Variants in DSCAM observed in about 807,000 individuals in gnomAD.
The protein encoded by DSCAM is cell adhesion molecule DSCAM.
A neutral mutation model predicts 217.7 loss-of-function variants in DSCAM; 47 were observed. The observed-to-expected ratio is 0.22, with a 90% CI of 0.17 to 0.28. The LOEUF is 0.28. Ranked by LOEUF, DSCAM falls within the 10% of genes least tolerant of loss-of-function variation. The pLI is 1.00. For synonymous variants in DSCAM, 1,056 were observed against 1,015.3 expected, an observed-to-expected ratio of 1.04 and a Z score of -0.76; for missense variants, 2,080 against 2,618.3, an observed-to-expected ratio of 0.79 and a Z score of 4.49.
chr21:40,814,964 C>A lies in DSCAM; in HGVS notation c.43+31655G>T, dbSNP rs2091868457. Among the ~76,000 whole-genome samples, 3 of 152,160 alleles carry A rather than the reference C, an allele frequency of 2.0e-5. No individual in the cohort carries two copies. In the South Asian group the frequency reaches 6.2e-4, roughly 32 times the overall value. On this transcript the variant is annotated intron_variant, in intron 1 of 32. Transcript: ENST00000400454. ...AAAATGTGATAGCAATTTACAAGTT[C>A]AAAATAAAAACAAGTGAAGAAAAGC...
At chr21:40,191,966 A>G (rs1349071121) in intron 11 of DSCAM, among the ~76,000 whole-genome samples, 1 of 152,198 alleles carries the variant, frequency 6.6e-6, no homozygotes, top group African/African-American at 2.4e-5. Flanking sequence ...ATATTTGCAA[A>G]GACTCTATTT....
chr21:40,680,679 A>G (rs1369177781), intron 3 of DSCAM, among the ~76,000 whole-genome samples: 1 of 152,228 alleles, frequency 6.6e-6, no homozygotes, highest in African/African-American at 2.4e-5. Flanking sequence ...TGGACAGCCA[A>G]TATTTTCAGC....
At chr21:40,813,624 G>T (rs1265949532) in intron 1 of DSCAM, among the ~76,000 whole-genome samples, 1 of 150,768 alleles carries the variant, frequency 6.6e-6, no homozygotes, top group Non-Finnish European at 1.5e-5. Context: ...ATAGTTTTGA[G>T]GATTTCTTTC....
At chr21:40,138,778 T>TG (rs983454063) in intron 18 of DSCAM, among the ~76,000 whole-genome samples, 4 of 137,338 alleles carry the variant, frequency 2.9e-5, no homozygotes, top group Non-Finnish European at 4.6e-5. Flanking sequence ...GTGCAGTGTA[T>TG]GGGGGGTATG....
intron 10 of DSCAM, among the ~76,000 whole-genome samples, chr21:40,278,348 T>A (rs2073716232): frequency 6.6e-6 from 1 of 152,180 alleles, no homozygotes; most frequent in Non-Finnish European, 1.5e-5. Flanking sequence ...TAGCAGGTCA[T>A]ACAGTCTTTG....
intron 32 of DSCAM, among the ~76,000 whole-genome samples, chr21:40,033,129 C>T (rs1296105198): frequency 1.3e-5 from 2 of 152,184 alleles, no homozygotes; most frequent in African/African-American, 4.8e-5. Flanking sequence ...CTCTTTTAGG[C>T]TTCAAGGTGC....
At chr21:40,665,248 T>C (rs1399751273) in intron 3 of DSCAM, among the ~76,000 whole-genome samples, 1 of 152,190 alleles carries the variant, frequency 6.6e-6, no homozygotes, top group Non-Finnish European at 1.5e-5. Flanking sequence ...AAAAGCAGCC[T>C]TCTGGGTGCA....
intron 3 of DSCAM, among the ~76,000 whole-genome samples, chr21:40,654,820 A>G (rs1440827806): frequency 1.3e-5 from 2 of 152,092 alleles, no homozygotes; most frequent in African/African-American, 4.8e-5. Context: ...CCAGATTCTT[A>G]ATCACATCTG....
rs2075584045 is a variant in DSCAM, at chr21:40,436,526, A to G, written c.509-67281T>C. Among the ~76,000 whole-genome samples the G allele has an allele frequency of 2.0e-5, 3 of 152,172 alleles. No homozygotes were observed. The South Asian group carries it at 6.2e-4, about 32-fold the overall frequency. On this transcript the variant is annotated intron_variant, in intron 3 of 32. Transcript: ENST00000400454. ...GGAAATCTGGTGCATATTTTTAACA[A>G]TTAAGATAGATTCTTAACTCTCCAC...
In DSCAM at chr21:40,724,879, C is replaced by T. The variant is rs547866411; in HGVS notation, c.44-16108G>A. Among the ~76,000 whole-genome samples, 3 of 152,304 alleles carry T rather than the reference C, an allele frequency of 2.0e-5. No individual in the cohort carries two copies. In the South Asian group the frequency reaches 6.2e-4, roughly 32 times the overall value. ...GCTTCATTTTTCATTTTGCTCTGACCTAAGGACTTACAGAAATCTAATGTT... is the reference window on the plus strand; with the variant it reads ...GCTTCATTTTTCATTTTGCTCTGACTTAAGGACTTACAGAAATCTAATGTT... On this transcript the variant is annotated intron_variant, in intron 1 of 32. Transcript: ENST00000400454.
chr21:40,329,488 C>T (rs1461542442), intron 8 of DSCAM, among the ~76,000 whole-genome samples: 3 of 151,930 alleles, frequency 2.0e-5, no homozygotes, highest in African/African-American at 7.3e-5. Flanking sequence ...GTGGTGCACG[C>T]CTGTAGTCCC....
intron 1 of DSCAM, among the ~76,000 whole-genome samples, chr21:40,806,944 A>C (rs1317467466): frequency 6.6e-6 from 1 of 151,866 alleles, no homozygotes; most frequent in Non-Finnish European, 1.5e-5. Context: ...GGAACATCAC[A>C]CACCGGGGCC....
chr21:40,128,914 C>T (rs1349117840), intron 19 of DSCAM, among the ~76,000 whole-genome samples: 1 of 152,130 alleles, frequency 6.6e-6, no homozygotes, highest in Admixed American at 6.5e-5. Context: ...TGTTCCACAG[C>T]ATAGAAAATA....
At chr21:40,376,622 G>GATATCT (rs1465772792) in intron 3 of DSCAM, among the ~76,000 whole-genome samples, 1 of 45,090 alleles carries the variant, frequency 2.2e-5, no homozygotes, top group African/African-American at 1.1e-4. Flanking sequence ...TATAGATATC[G>GATATCT]ATATCTATAT....
chr21:40,820,063 G>C (rs1001336904), intron 1 of DSCAM, among the ~76,000 whole-genome samples: 1 of 152,088 alleles, frequency 6.6e-6, no homozygotes, highest in African/African-American at 2.4e-5. Context: ...ACTATAAAAA[G>C]CTCTTAGGTA....
chr21:40,719,409 G>A (rs778988612), intron 1 of DSCAM, among the ~76,000 whole-genome samples: 2 of 152,104 alleles, frequency 1.3e-5, no homozygotes, highest in African/African-American at 2.4e-5. Context: ...CTACTAAAGG[G>A]AACACATGTG....
intron 11 of DSCAM, among the ~76,000 whole-genome samples, chr21:40,227,466 T>C (rs900764008): frequency 4.6e-5 from 7 of 152,324 alleles, no homozygotes; most frequent in East Asian, 1.9e-4. Flanking sequence ...TTACCAATAG[T>C]AGACAACATT....
chr21:40,014,096 G>T (rs1475733412), intron 32 of DSCAM, among the ~76,000 whole-genome samples: 3 of 152,234 alleles, frequency 2.0e-5, no homozygotes, highest in African/African-American at 7.2e-5. Flanking sequence ...TCTCCTTCAA[G>T]AGCATCTGCT....
intron 30 of DSCAM, among the ~76,000 whole-genome samples, chr21:40,047,109 A>C (rs1039404930): frequency 2.7e-5 from 4 of 146,486 alleles, no homozygotes; most frequent in Non-Finnish European, 6.0e-5. Flanking sequence ...CACAGCCCTC[A>C]GTTCTGTACT....
Sources: gnomAD v4.1 joint callset for allele counts (sites outside exome capture counted in the v4.1 genomes callset) on GRCh38, gnomAD v4.1.1 for gene constraint, MANE v1.5 for transcripts, NCBI Gene and HGNC (gene_info 2026-07-23, HGNC 2026-07-21) for gene names.